ARG1: variants seen among roughly 807,000 people sequenced by gnomAD.
ARG1 encodes arginase 1.
A neutral mutation model predicts 33.0 loss-of-function variants in ARG1; 20 were observed. The observed-to-expected ratio is 0.61, with a 90% CI of 0.43 to 0.88. The LOEUF is 0.88. Among genes scored for constraint, ARG1 ranks in the 40% least tolerant of loss-of-function variants. The pLI is 0.00. For missense variants in ARG1, 374 were observed against 384.7 expected (o/e 0.97, Z 0.23); for synonymous variants, 146 against 140.6 (o/e 1.04, Z -0.27).
chr6:131,583,447 C>T lies in ARG1; in HGVS notation c.758C>T (p.Thr253Ile), dbSNP rs748924712. 1.2e-6 allele frequency: 2 copies of T among 1,614,110 alleles called. No individual in the cohort carries two copies. Among genetic ancestry groups the T allele is most frequent in the Non-Finnish European group, 1.7e-6 (2 of 1,179,982 alleles). ...ATGTPVVGGLTYREGLYITEE... is the reference protein window; with the variant it reads ...ATGTPVVGGLIYREGLYITEE... The stretch of plus-strand genomic sequence containing the variant: ...GGCACACCAGTCGTGGGAGGTCTGA[C>T]ATACAGAGAAGGTCTCTACATCACA... Residue 253 changes from threonine to isoleucine, a missense_variant, in exon 7 of 8, where the codon ACA becomes ATA. Coordinates refer to ENST00000368087, the MANE Select transcript of ARG1 (RefSeq NM_000045.4).
At chr6:131,583,287 A>G in intron 6 of ARG1, 68 bp from the exon 7 acceptor site, 1 of 1,610,244 alleles carries the variant, frequency 6.2e-7, no homozygotes, top group Non-Finnish European at 8.5e-7. Context: ...AAACAAGTTA[A>G]CAGATTATTA....
At position 131,573,268 on chromosome 6, in the gene ARG1, G is replaced by A; in HGVS notation, c.-15G>A. The stretch of plus-strand genomic sequence containing the variant: ...GACTGGAGAGCTCAAGTGCAGCAAA[G>A]AGAAGTGTCAGAGCATGAGCGCCAA... On this transcript the variant is annotated 5_prime_UTR_variant, in exon 1 of 8. Coordinates refer to ENST00000368087, the MANE Select transcript of ARG1 (RefSeq NM_000045.4). The A allele has an allele frequency of 1.2e-6, 2 of 1,614,056 alleles. No homozygotes were observed. Among genetic ancestry groups the A allele is most frequent in the Non-Finnish European group, 8.5e-7 (1 of 1,179,954 alleles).
chr6:131,580,522 G>A (rs969610708), intron 3 of ARG1, among the ~76,000 whole-genome samples: 1 of 152,098 alleles, frequency 6.6e-6, no homozygotes. Flanking sequence ...TGGCAAAACC[G>A]CAATACTTTT....
intron 1 of ARG1, among the ~76,000 whole-genome samples, chr6:131,574,482 A>G (rs1773518711): frequency 6.6e-6 from 1 of 152,186 alleles, no homozygotes; most frequent in Non-Finnish European, 1.5e-5. Context: ...ACAGGTTATA[A>G]TAAATATATA....
chr6:131,583,733 T>A lies in ARG1; in HGVS notation c.803-9T>A, dbSNP rs1296257255. On this transcript the variant is annotated splice_polypyrimidine_tract_variant and intron_variant, in intron 7 of 7. Transcript: ENST00000368087. Reference sequence around the variant, plus strand: ...TTATAAATTACATTATTACAATTTGTTGTTGTAGGGCTACTCTCAGGATTA... The same window carrying A: ...TTATAAATTACATTATTACAATTTGATGTTGTAGGGCTACTCTCAGGATTA... 1 of 1,612,858 alleles carries A rather than the reference T, an allele frequency of 6.2e-7. No individual in the cohort carries two copies. Among genetic ancestry groups the A allele is most frequent in the South Asian group, 1.1e-5 (1 of 91,048 alleles).
At position 131,583,335 on chromosome 6, in the gene ARG1, C is replaced by T; in HGVS notation, c.666-20C>T. On this transcript the variant is annotated intron_variant, in intron 6 of 7. Coordinates refer to ENST00000368087, the MANE Select transcript of ARG1 (RefSeq NM_000045.4). ...GAAGCCATCAACCTTAAACTGAAAT[C>T]CTTTCCCACTTCTTAAAAGAAAGAA... The T allele has an allele frequency of 6.2e-7, 1 of 1,614,030 alleles. No individual in the cohort carries two copies. Among genetic ancestry groups the T allele is most frequent in the Non-Finnish European group, 8.5e-7 (1 of 1,179,928 alleles).
chr6:131,583,623 A>C, intron 7 of ARG1, 119 bp from the exon 8 acceptor site: 1 of 1,517,474 alleles, frequency 6.6e-7, no homozygotes, highest in Non-Finnish European at 9.1e-7. Flanking sequence ...GCAATAACTA[A>C]AGTGTTTTCC....
intron 1 of ARG1, among the ~76,000 whole-genome samples, chr6:131,575,242 T>C (rs549936624): frequency 1.3e-5 from 2 of 152,354 alleles, no homozygotes; most frequent in East Asian, 3.9e-4. Context: ...CAAGGAGTTT[T>C]ATCAAACTGA....
At position 131,573,250 on chromosome 6, in the gene ARG1, G is replaced by A. The variant is rs751924194; in HGVS notation, c.-33G>A. 2 of 1,613,502 alleles carry A rather than the reference G, an allele frequency of 1.2e-6. No individual in the cohort carries two copies. The highest frequency in any genetic ancestry group is 1.1e-5 in the South Asian group (1 of 91,060). ...TGTCACTGAGGGTTGACTGACTGGA[G>A]AGCTCAAGTGCAGCAAAGAGAAGTG... On this transcript the variant is annotated 5_prime_UTR_variant, in exon 1 of 8. Transcript: ENST00000368087.
intron 4 of ARG1, 71 bp from the exon 5 acceptor site, chr6:131,582,550 G>T (rs987798182): frequency 2.5e-6 from 3 of 1,178,510 alleles, no homozygotes; most frequent in African/African-American, 1.5e-5. Flanking sequence ...TCCAATATGT[G>T]TCTTTACCTT....
Position 131,579,001 on chromosome 6 carries a change from T to C in ARG1, c.131-110T>C, listed in dbSNP as rs901057034. 6 of 1,292,270 alleles carry C rather than the reference T, an allele frequency of 4.6e-6. No homozygotes were observed. The African/African-American group carries it at 9.0e-5, about 19-fold the overall frequency. The allele number at this position is 1,292,270 out of a possible 1,614,324, so 80.1% of individuals were successfully genotyped here. A position where few individuals can be genotyped will look rare whatever the true frequency, so the allele number is the denominator to read the frequency against. On this transcript the variant is annotated intron_variant, in intron 2 of 7. Transcript: ENST00000368087. Reference sequence around the variant, plus strand: ...ATTTACAGACCTTTCAGGTTTTTCCTTTGCTTATACTTGTGAATATATGCC... The same window carrying C: ...ATTTACAGACCTTTCAGGTTTTTCCCTTGCTTATACTTGTGAATATATGCC...
At position 131,579,345 on chromosome 6, in the gene ARG1, A is replaced by G. The variant is rs575485735; in HGVS notation, c.305+60A>G. ...CACAAAGGAAGTAACCAAGGCCATA[A>G]GAAGAGAGAAAATTTAGAAATATAG... is the stretch of plus-strand genomic sequence containing the variant. On this transcript the variant is annotated intron_variant, in intron 3 of 7. Transcript: ENST00000368087. 2.3e-5 allele frequency: 36 copies of G among 1,578,570 alleles called. No individual in the cohort carries two copies. The African/African-American group carries it at 4.2e-4, about 18-fold the overall frequency.
chr6:131,575,000 G>A (rs1469939664), intron 1 of ARG1, among the ~76,000 whole-genome samples: 1 of 152,134 alleles, frequency 6.6e-6, no homozygotes, highest in African/African-American at 2.4e-5. Flanking sequence ...TTATACTTGT[G>A]GCCATTTAGG....
In ARG1 at chr6:131,579,005, C is replaced by T. The variant is rs55706510; in HGVS notation, c.131-106C>T. 150,798 of 1,324,216 alleles carry T rather than the reference C, an allele frequency of 0.11. 9,482 individuals carry two copies. Among genetic ancestry groups the T allele is most frequent in the Middle Eastern group, 0.2 (951 of 4,820 alleles). The allele number at this position is 1,324,216 out of a possible 1,614,324, so 82.0% of individuals were successfully genotyped here. A position where few individuals can be genotyped will look rare whatever the true frequency, so the allele number is the denominator to read the frequency against. On this transcript the variant is annotated intron_variant, in intron 2 of 7. Transcript: ENST00000368087. ...ACAGACCTTTCAGGTTTTTCCTTTG[C>T]TTATACTTGTGAATATATGCCTATT... is the stretch of plus-strand genomic sequence containing the variant.
intron 5 of ARG1, among the ~76,000 whole-genome samples, 158 bp downstream of exon 5, chr6:131,582,873 A>G (rs913234389): frequency 6.6e-6 from 1 of 152,178 alleles, no homozygotes; most frequent in Admixed American, 6.5e-5. Flanking sequence ...ATACATATGT[A>G]TGTATCCAGG....
intron 3 of ARG1, among the ~76,000 whole-genome samples, chr6:131,580,398 C>T (rs1415447497): frequency 6.6e-6 from 1 of 152,218 alleles, no homozygotes; most frequent in African/African-American, 2.4e-5. Flanking sequence ...ATTGCTTCCA[C>T]TTCGAGAATC....
At chr6:131,574,730 T>C (rs545839721) in intron 1 of ARG1, among the ~76,000 whole-genome samples, 1 of 152,296 alleles carries the variant, frequency 6.6e-6, no homozygotes, top group Non-Finnish European at 1.5e-5. Flanking sequence ...AGAGGGCAGA[T>C]GACTAAAATG....
chr6:131,583,227 A>T, intron 6 of ARG1, 63 bp downstream of exon 6: 1 of 1,597,228 alleles, frequency 6.3e-7, no homozygotes, highest in Non-Finnish European at 8.6e-7. Flanking sequence ...CTGACAACCA[A>T]AGTTATTAAT....
chr6:131,583,669 T>C (rs981219335), intron 7 of ARG1, 73 bp from the exon 8 acceptor site: 2 of 1,559,792 alleles, frequency 1.3e-6, no homozygotes, highest in African/African-American at 2.8e-5. Context: ...TGGATAATCT[T>C]TCAAGTCTGT....
Sources: gnomAD v4.1 joint callset for allele counts (sites outside exome capture counted in the v4.1 genomes callset) on GRCh38, gnomAD v4.1.1 for gene constraint, MANE v1.5 for transcripts, NCBI Gene and HGNC (gene_info 2026-07-23, HGNC 2026-07-21) for gene names.